SLIT1: variants seen among roughly 807,000 people sequenced by gnomAD.
SLIT1 encodes slit homolog 1 protein.
SLIT1 carries 66 observed loss-of-function variants against 186.1 expected under a neutral mutation model. The ratio of observed to expected loss-of-function variants is 0.35; its 90% CI spans 0.29 to 0.44. The LOEUF is 0.44. Ranked by LOEUF, SLIT1 falls within the 20% of genes least tolerant of loss-of-function variation. The probability of loss-of-function intolerance (pLI) is 1.00; values close to 1 mark genes in which losing one functional copy is unlikely to be tolerated. For missense variants in SLIT1, 1,638 were observed against 2,037.4 expected (o/e 0.80, Z 3.77); for synonymous variants, 761 against 833.8 (o/e 0.91, Z 1.50).
intron 4 of SLIT1, among the ~76,000 whole-genome samples, chr10:97,085,889 G>A (rs1011688191): frequency 5.3e-5 from 8 of 152,304 alleles, no homozygotes; most frequent in South Asian, 2.1e-4. Flanking sequence ...AGGGGTCTGC[G>A]ATGTTTTGAC....
intron 3 of SLIT1, among the ~76,000 whole-genome samples, chr10:97,161,082 C>G (rs556747467): frequency 6.6e-6 from 1 of 152,286 alleles, no homozygotes; most frequent in East Asian, 1.9e-4. Flanking sequence ...TCAACTGATG[C>G]GCCACTGGTC....
intron 26 of SLIT1, among the ~76,000 whole-genome samples, chr10:97,020,306 C>G (rs1848491160): frequency 6.6e-6 from 1 of 152,172 alleles, no homozygotes; most frequent in Admixed American, 6.5e-5. Flanking sequence ...TGCAGGTTAC[C>G]TGGGTGAGTT....
chr10:97,069,573 G>A (rs1456117998), intron 4 of SLIT1, among the ~76,000 whole-genome samples: 8 of 152,192 alleles, frequency 5.3e-5, no homozygotes, highest in South Asian at 2.1e-4. Context: ...GAACAAGTCC[G>A]CTGGAGGGAG....
At chr10:97,058,633 A>G (rs1438793063) in intron 11 of SLIT1, among the ~76,000 whole-genome samples, 2 of 152,190 alleles carry the variant, frequency 1.3e-5, no homozygotes, top group Non-Finnish European at 2.9e-5. Context: ...GCATACACAG[A>G]AGGCACTGAG....
At chr10:97,056,271 C>T in intron 13 of SLIT1, 50 bp downstream of exon 13, 1 of 1,604,860 alleles carries the variant, frequency 6.2e-7, no homozygotes, top group Non-Finnish European at 8.5e-7. Context: ...GCAACCTCCC[C>T]CAGGCCCACC....
At chr10:97,028,932 AC>A (rs1848568432) in intron 25 of SLIT1, among the ~76,000 whole-genome samples, 1 of 152,014 alleles carries the variant, frequency 6.6e-6, no homozygotes, top group Non-Finnish European at 1.5e-5. Context: ...AGAGCCCCTT[AC>A]CCCTCCCACT....
intron 4 of SLIT1, among the ~76,000 whole-genome samples, chr10:97,131,870 C>T (rs1377110181): frequency 1.3e-5 from 2 of 152,164 alleles, no homozygotes; most frequent in Non-Finnish European, 2.9e-5. Context: ...ACTAAGTATC[C>T]GCATGCTGCC....
intron 4 of SLIT1, among the ~76,000 whole-genome samples, chr10:97,149,686 C>G (rs1327910333): frequency 6.6e-6 from 1 of 152,130 alleles, no homozygotes; most frequent in Non-Finnish European, 1.5e-5. Context: ...CTTAATCATA[C>G]TCTAGTTCAA....
chr10:97,015,808 C>CT (rs1204830511), intron 28 of SLIT1, among the ~76,000 whole-genome samples: 1 of 152,050 alleles, frequency 6.6e-6, no homozygotes. Context: ...AAGAAAAAAA[C>CT]TTTAAGTTTT....
intron 4 of SLIT1, among the ~76,000 whole-genome samples, chr10:97,108,493 G>A (rs1345689865): frequency 6.6e-6 from 1 of 152,178 alleles, no homozygotes; most frequent in African/African-American, 2.4e-5. Context: ...TGTGTCTGCA[G>A]TGCCCCCAGC....
intron 4 of SLIT1, among the ~76,000 whole-genome samples, chr10:97,122,786 A>G (rs1331010408): frequency 6.6e-6 from 1 of 152,080 alleles, no homozygotes; most frequent in Non-Finnish European, 1.5e-5. Context: ...TGCCAGTGCC[A>G]GCAAACTAGA....
intron 4 of SLIT1, among the ~76,000 whole-genome samples, chr10:97,095,146 G>C (rs890721574): frequency 6.6e-6 from 1 of 152,194 alleles, no homozygotes; most frequent in Non-Finnish European, 1.5e-5. Flanking sequence ...AGTCAGGCAT[G>C]GTAGTGGGCA....
chr10:97,024,430 G>A (rs1215306123), intron 25 of SLIT1, among the ~76,000 whole-genome samples: 2 of 152,186 alleles, frequency 1.3e-5, no homozygotes, highest in Non-Finnish European at 2.9e-5. Flanking sequence ...AGACAAGCAC[G>A]CATGACCTAA....
intron 13 of SLIT1, among the ~76,000 whole-genome samples, chr10:97,054,583 G>T (rs917266794): frequency 3.9e-5 from 6 of 152,196 alleles, no homozygotes; most frequent in South Asian, 4.1e-4. Context: ...ACATCTGTCT[G>T]CCTTCTGACG....
At chr10:97,109,054 A>T (rs1849441798) in intron 4 of SLIT1, among the ~76,000 whole-genome samples, 1 of 151,894 alleles carries the variant, frequency 6.6e-6, no homozygotes, top group South Asian at 2.1e-4. Context: ...ACAATCTAAA[A>T]AAATAAATAA....
intron 11 of SLIT1, chr10:97,057,953 G>A (rs749487118): frequency 7.3e-5 from 52 of 716,948 alleles, no homozygotes; most frequent in Non-Finnish European, 1.2e-4. Flanking sequence ...AGCTACCCTC[G>A]TAAACGTTCA....
At chr10:97,007,905 A>T (rs1469665638) in intron 31 of SLIT1, among the ~76,000 whole-genome samples, 1 of 146,822 alleles carries the variant, frequency 6.8e-6, no homozygotes, top group Non-Finnish European at 1.5e-5. Context: ...TGCTCTCACA[A>T]TTTCTATTCA....
At chr10:97,110,331 C>T (rs751502471) in intron 4 of SLIT1, among the ~76,000 whole-genome samples, 12 of 152,194 alleles carry the variant, frequency 7.9e-5, no homozygotes, top group Non-Finnish European at 1.5e-4. Context: ...CCCAGGTATT[C>T]ACCGAAGACG....
intron 9 of SLIT1, 90 bp from the exon 10 acceptor site, chr10:97,060,248 C>G: frequency 9.3e-7 from 1 of 1,076,790 alleles, no homozygotes. Context: ...CTGAATAATC[C>G]TTTGGCCCCT....
Sources: gnomAD v4.1 joint callset for allele counts (sites outside exome capture counted in the v4.1 genomes callset) on GRCh38, gnomAD v4.1.1 for gene constraint, MANE v1.5 for transcripts, NCBI Gene and HGNC (gene_info 2026-07-23, HGNC 2026-07-21) for gene names.